PLXNA2: variants seen among roughly 807,000 people sequenced by gnomAD.
PLXNA2 encodes the protein plexin-A2.
A neutral mutation model predicts 193.5 loss-of-function variants in PLXNA2; 91 were observed. The observed-to-expected ratio is 0.47, with a 90% CI of 0.40 to 0.56. The LOEUF (loss-of-function observed/expected upper bound fraction) is 0.56. Among genes scored for constraint, PLXNA2 ranks in the 20% least tolerant of loss-of-function variants. PLXNA2 has a pLI of 0.00. For synonymous variants in PLXNA2, 997 were observed against 1,027.3 expected (o/e 0.97, Z 0.56); for missense variants, 1,995 against 2,503.2 (o/e 0.80, Z 4.33).
intron 4 of PLXNA2, among the ~76,000 whole-genome samples, chr1:208,130,005 T>C (rs1668098384): frequency 6.6e-6 from 1 of 152,204 alleles, no homozygotes; most frequent in Admixed American, 6.5e-5. Context: ...CCAGACTGTT[T>C]GCTAAGTCAC....
chr1:208,148,057 C>T (rs115065953), intron 3 of PLXNA2, among the ~76,000 whole-genome samples: 40 of 152,324 alleles, frequency 2.6e-4, no homozygotes, highest in Middle Eastern at 3.4e-3. Context: ...TAGTACCTTT[C>T]CTTTAAATCA....
At chr1:208,098,661 A>T (rs1309979546) in intron 6 of PLXNA2, among the ~76,000 whole-genome samples, 185 bp downstream of exon 6, 1 of 152,228 alleles carries the variant, frequency 6.6e-6, no homozygotes, top group Non-Finnish European at 1.5e-5. Flanking sequence ...ATTTGCAGGG[A>T]AACTGGAGAA....
chr1:208,131,270 G>A (rs2102466348), intron 4 of PLXNA2, among the ~76,000 whole-genome samples: 1 of 152,278 alleles, frequency 6.6e-6, no homozygotes, highest in Non-Finnish European at 1.5e-5. Context: ...CTCTGAACCT[G>A]CATCTTCACA....
At chr1:208,036,515 A>G (rs916881048) in intron 26 of PLXNA2, among the ~76,000 whole-genome samples, 11 of 152,206 alleles carry the variant, frequency 7.2e-5, no homozygotes, top group African/African-American at 2.4e-4. Flanking sequence ...TAATAATTGC[A>G]TGTAGTTTGT....
At chr1:208,046,569 TG>T (rs1558163444) in intron 17 of PLXNA2, among the ~76,000 whole-genome samples, 1 of 151,862 alleles carries the variant, frequency 6.6e-6, no homozygotes, top group Non-Finnish European at 1.5e-5. Flanking sequence ...TGAGTGTGTG[TG>T]TGTGTGTGTA....
intron 4 of PLXNA2, among the ~76,000 whole-genome samples, chr1:208,127,836 G>A (rs928082767): frequency 5.3e-5 from 8 of 152,234 alleles, no homozygotes; most frequent in Admixed American, 3.9e-4. Flanking sequence ...GCCTGCAGGA[G>A]AGAATCTGCA....
intron 3 of PLXNA2, among the ~76,000 whole-genome samples, chr1:208,148,996 CAG>C (rs1399186820): frequency 1.3e-5 from 2 of 152,228 alleles, no homozygotes; most frequent in African/African-American, 4.8e-5. Context: ...ACTTTTGACA[CAG>C]AGTTATTGAG....
Position 208,028,373 on chromosome 1 carries a change from C to T in PLXNA2, c.5439-214G>A, listed in dbSNP as rs984640423. ...AGTAGATTCCATCTAGCCGAGAGCT[C>T]GTGGCTGCGGTGCCCAACAGAGTGG... is the stretch of plus-strand genomic sequence containing the variant. On this transcript the variant is annotated intron_variant, in intron 30 of 31. Transcript: ENST00000367033. This position sits in a 1 kb window ranked among gnomAD's most constrained non-coding sequence, Gnocchi z 4.2. 3.3e-5 allele frequency among the ~76,000 whole-genome samples: 5 copies of T among 152,286 alleles called. No individual in the cohort carries two copies. Among genetic ancestry groups the T allele is most frequent in the South Asian group, 4.2e-4 (2 of 4,814 alleles).
chr1:208,049,321 T>TA (rs1553273682), intron 17 of PLXNA2, among the ~76,000 whole-genome samples: 20,666 of 150,258 alleles, frequency 0.14, 1,823 homozygotes, highest in East Asian at 0.29. Flanking sequence ...TTTTTTTTTT[T>TA]AAATCCTTCC....
At chr1:208,029,601 A>T in intron 29 of PLXNA2, 1 of 988,834 alleles carries the variant, frequency 1.0e-6, no homozygotes, top group Non-Finnish European at 1.2e-6. Flanking sequence ...TTCTTTCATG[A>T]CTCTCCCCAG....
intron 12 of PLXNA2, among the ~76,000 whole-genome samples, chr1:208,063,538 G>A (rs553426244): frequency 1.3e-5 from 2 of 152,342 alleles, no homozygotes; most frequent in Admixed American, 1.3e-4. Flanking sequence ...AGCAGCTGGG[G>A]GAATCCAAGC....
intron 2 of PLXNA2, 116 bp from the exon 3 acceptor site, chr1:208,210,578 T>C: frequency 1.1e-6 from 1 of 871,072 alleles, no homozygotes; most frequent in Non-Finnish European, 1.7e-6. Flanking sequence ...GAGGCAGACA[T>C]GGGAGTTCAG....
Position 208,067,769 on chromosome 1 carries a change from G to A in PLXNA2, c.2587-6932C>T, listed in dbSNP as rs545766296. Among the ~76,000 whole-genome samples the A allele has an allele frequency of 6.6e-5, 10 of 152,300 alleles. No homozygotes were observed. The South Asian group carries it at 1.0e-3, about 16-fold the overall frequency. On this transcript the variant is annotated intron_variant, in intron 12 of 31. Transcript: ENST00000367033. ...ATGATGTTCACACAAGGATGAAATCGTCTAATGACACATTTGTCAGAATGT... is the reference window on the plus strand; with the variant it reads ...ATGATGTTCACACAAGGATGAAATCATCTAATGACACATTTGTCAGAATGT...
At chr1:208,239,993 A>T (rs530259309) in intron 1 of PLXNA2, among the ~76,000 whole-genome samples, 45 of 152,312 alleles carry the variant, frequency 3.0e-4, no homozygotes, top group Admixed American at 8.5e-4. Flanking sequence ...TTTCCCAGAG[A>T]TATTCTTTCA....
intron 12 of PLXNA2, among the ~76,000 whole-genome samples, chr1:208,068,380 C>T (rs981421139): frequency 2.0e-5 from 3 of 152,120 alleles, no homozygotes; most frequent in Non-Finnish European, 4.4e-5. Flanking sequence ...TAATTTAAGC[C>T]AATTTCTGGT....
At chr1:208,149,682 A>G (rs1279459076) in intron 3 of PLXNA2, among the ~76,000 whole-genome samples, 2 of 151,904 alleles carry the variant, frequency 1.3e-5, no homozygotes. Flanking sequence ...ATGAGAGTGT[A>G]TCTGGAGTTG....
chr1:208,072,127 C>T (rs1325614848), intron 12 of PLXNA2, among the ~76,000 whole-genome samples: 1 of 152,186 alleles, frequency 6.6e-6, no homozygotes. Context: ...ACATGGTTTT[C>T]TATAATTGAT....
chr1:208,129,229 T>C (rs573134796), intron 4 of PLXNA2, among the ~76,000 whole-genome samples: 1 of 152,276 alleles, frequency 6.6e-6, no homozygotes, highest in South Asian at 2.1e-4. Context: ...GGGGAGGGGA[T>C]TGGCAAGGTT....
chr1:208,033,266 C>A (rs1664562062), intron 28 of PLXNA2, 53 bp downstream of exon 28: 4 of 1,478,722 alleles, frequency 2.7e-6, no homozygotes, highest in Non-Finnish European at 3.7e-6. Context: ...TGTGGAGGGG[C>A]AGGATGTGCT....
Sources: gnomAD v4.1 joint callset for allele counts (sites outside exome capture counted in the v4.1 genomes callset) on GRCh38, gnomAD v4.1.1 for gene constraint, Gnocchi (gnomAD v3.1) non-coding constraint, MANE v1.5 for transcripts, NCBI Gene and HGNC (gene_info 2026-07-23, HGNC 2026-07-21) for gene names.